XRCC4: variants seen among roughly 807,000 people sequenced by gnomAD.
XRCC4 encodes the protein DNA repair protein XRCC4.
In XRCC4, 28 loss-of-function variants were observed where a neutral mutation model predicts 39.1. The ratio of observed to expected loss-of-function variants is 0.72; its 90% CI spans 0.53 to 0.98. XRCC4 has a LOEUF of 0.98. XRCC4 is among the 50% of genes least tolerant of loss of function. The pLI, the probability that XRCC4 is intolerant of heterozygous loss-of-function variation, is 0.00. For synonymous variants in XRCC4, 123 were observed against 126.4 expected, an observed-to-expected ratio of 0.97 and a Z score of 0.18; for missense variants, 350 against 376.4, an observed-to-expected ratio of 0.93 and a Z score of 0.58.
intron 3 of XRCC4, among the ~76,000 whole-genome samples, chr5:83,154,185 T>C (rs1024337694): frequency 1.3e-5 from 2 of 152,216 alleles, no homozygotes; most frequent in African/African-American, 4.8e-5. Context: ...ATTTTTTGGT[T>C]TTATTTTTTA....
chr5:83,217,185 C>G (rs1315326193), intron 6 of XRCC4, among the ~76,000 whole-genome samples: 1 of 151,786 alleles, frequency 6.6e-6, no homozygotes, highest in African/African-American at 2.4e-5. Context: ...GAAACCCCGT[C>G]TCTACTAAAA....
At chr5:83,188,500 T>C in intron 3 of XRCC4, among the ~76,000 whole-genome samples, 1 of 152,174 alleles carries the variant, frequency 6.6e-6, no homozygotes, top group African/African-American at 2.4e-5. Flanking sequence ...TATAAAGAAA[T>C]TCATGAGAAT....
intron 7 of XRCC4, among the ~76,000 whole-genome samples, chr5:83,337,152 C>G (rs1390184173): frequency 6.6e-6 from 1 of 152,048 alleles, no homozygotes; most frequent in South Asian, 2.1e-4. Flanking sequence ...AAGGCAAATA[C>G]CCTTGACAAG....
At chr5:83,129,657 G>A (rs1022371969) in intron 3 of XRCC4, among the ~76,000 whole-genome samples, 8 of 151,942 alleles carry the variant, frequency 5.3e-5, no homozygotes, top group East Asian at 1.9e-4. Flanking sequence ...TTCATTGAGC[G>A]TGGTTTGTAG....
At chr5:83,335,377 G>C (rs1352570953) in intron 7 of XRCC4, among the ~76,000 whole-genome samples, 1 of 151,658 alleles carries the variant, frequency 6.6e-6, no homozygotes, top group Non-Finnish European at 1.5e-5. Flanking sequence ...TACAAGTTAT[G>C]GGAAATTGTC....
chr5:83,306,469 A>G (rs1755491460), intron 7 of XRCC4, among the ~76,000 whole-genome samples: 1 of 150,160 alleles, frequency 6.7e-6, no homozygotes, highest in Admixed American at 6.7e-5. Context: ...CAATAGAAAC[A>G]TTCAACTTAT....
At chr5:83,351,277 G>A (rs1757074767) in intron 7 of XRCC4, among the ~76,000 whole-genome samples, 1 of 152,138 alleles carries the variant, frequency 6.6e-6, no homozygotes, top group Non-Finnish European at 1.5e-5. Context: ...AAATTACCCA[G>A]TCTCAGGTAG....
intron 1 of XRCC4, among the ~76,000 whole-genome samples, chr5:83,092,682 A>G (rs1745481779): frequency 6.6e-6 from 1 of 152,166 alleles, no homozygotes; most frequent in Admixed American, 6.6e-5. Context: ...TATTTAATCA[A>G]TGTTAAGCTG....
chr5:83,361,398 T>C, the XRCC4 span, among the ~76,000 whole-genome samples: 1 of 152,172 alleles, frequency 6.6e-6, no homozygotes, highest in Non-Finnish European at 1.5e-5. Context: ...TTCCTGCTTC[T>C]ACAGGATTCT....
intron 3 of XRCC4, among the ~76,000 whole-genome samples, chr5:83,165,263 A>T (rs1253029940): frequency 6.6e-6 from 1 of 152,130 alleles, no homozygotes; most frequent in East Asian, 1.9e-4. Flanking sequence ...TTTTAAAAAA[A>T]TTCTTAGCAT....
At chr5:83,139,650 C>A (rs1748072767) in intron 3 of XRCC4, among the ~76,000 whole-genome samples, 1 of 152,060 alleles carries the variant, frequency 6.6e-6, no homozygotes, top group Admixed American at 6.6e-5. Context: ...TAATACAAAC[C>A]TAGATGACAT....
intron 3 of XRCC4, among the ~76,000 whole-genome samples, chr5:83,129,913 A>G (rs11750416): frequency 0.41 from 62,297 of 151,856 alleles, 13,324 homozygotes; most frequent in South Asian, 0.49. Flanking sequence ...TCATCTGCAA[A>G]CAGGGACAAT....
chr5:83,244,585 G>T (rs1286508377), intron 6 of XRCC4, among the ~76,000 whole-genome samples: 1 of 152,108 alleles, frequency 6.6e-6, no homozygotes, highest in African/African-American at 2.4e-5. Context: ...CTCCTTTGGG[G>T]CTCGTTTTTT....
intron 1 of XRCC4, among the ~76,000 whole-genome samples, chr5:83,093,585 AG>A (rs1745532671): frequency 6.6e-6 from 1 of 152,210 alleles, no homozygotes; most frequent in Non-Finnish European, 1.5e-5. Context: ...AGGAAGTTGA[AG>A]AAGACTGAAA....
At chr5:83,283,036 T>C (rs1328545867) in intron 7 of XRCC4, among the ~76,000 whole-genome samples, 4 of 144,172 alleles carry the variant, frequency 2.8e-5, no homozygotes, top group African/African-American at 5.2e-5. Context: ...ACATGGTACT[T>C]ACTATAGCCA....
At chr5:83,158,865 A>G (rs1313687737) in intron 3 of XRCC4, among the ~76,000 whole-genome samples, 1 of 152,146 alleles carries the variant, frequency 6.6e-6, no homozygotes, top group South Asian at 2.1e-4. Flanking sequence ...TCTAATTGGC[A>G]TAGTTATATT....
intron 3 of XRCC4, among the ~76,000 whole-genome samples, chr5:83,130,802 GA>G (rs1339581334): frequency 1.3e-5 from 2 of 152,100 alleles, no homozygotes; most frequent in African/African-American, 4.8e-5. Flanking sequence ...ATTTCTGTGG[GA>G]TCGTTGGTGA....
At chr5:83,326,286 G>A (rs558557498) in intron 7 of XRCC4, among the ~76,000 whole-genome samples, 10 of 152,078 alleles carry the variant, frequency 6.6e-5, no homozygotes, top group Admixed American at 4.6e-4. Context: ...TTTTGCTTTT[G>A]TTGCAATTGC....
intron 6 of XRCC4, among the ~76,000 whole-genome samples, chr5:83,235,447 A>G (rs569853816): frequency 6.6e-6 from 1 of 152,252 alleles, no homozygotes; most frequent in East Asian, 1.9e-4. Flanking sequence ...TGTATCAACA[A>G]AAATGGCCAA....
Sources: gnomAD v4.1 joint callset for allele counts (sites outside exome capture counted in the v4.1 genomes callset) on GRCh38, gnomAD v4.1.1 for gene constraint, MANE v1.5 for transcripts, NCBI Gene and HGNC (gene_info 2026-07-23, HGNC 2026-07-21) for gene names.